Variants in PTPRN2 observed in about 807,000 individuals in gnomAD.
PTPRN2 encodes protein tyrosine phosphatase receptor type N2.
Under a neutral mutation model 118.8 loss-of-function variants are expected in PTPRN2, and 74 were observed. The ratio of observed to expected loss-of-function variants is 0.62; its 90% CI spans 0.52 to 0.76. The LOEUF is 0.76. Ranked by LOEUF, PTPRN2 falls within the 30% of genes least tolerant of loss-of-function variation. The pLI is 0.00. For missense variants in PTPRN2, 1,481 were observed against 1,394.4 expected, an observed-to-expected ratio of 1.06 and a Z score of -0.99; for synonymous variants, 641 against 608.0, an observed-to-expected ratio of 1.05 and a Z score of -0.80.
At chr7:157,804,813 C>T (rs377090976) in intron 12 of PTPRN2, among the ~76,000 whole-genome samples, 1 of 152,204 alleles carries the variant, frequency 6.6e-6, no homozygotes, top group Non-Finnish European at 1.5e-5. Flanking sequence ...TTCCTCCCAG[C>T]CCCCCTTCTC....
At chr7:158,336,172 T>A (rs1213610141) in intron 2 of PTPRN2, among the ~76,000 whole-genome samples, 26 of 17,572 alleles carry the variant, frequency 1.5e-3, no homozygotes, top group Admixed American at 2.4e-3. Context: ...ATAAGAGCTG[T>A]CGCCCGCAGA....
chr7:157,840,568 G>A (rs1808348239), intron 12 of PTPRN2, among the ~76,000 whole-genome samples: 1 of 152,218 alleles, frequency 6.6e-6, no homozygotes, highest in Non-Finnish European at 1.5e-5. Flanking sequence ...TACGGGACGG[G>A]AGCTGCAGAC....
chr7:158,006,482 C>A (rs114258749), intron 11 of PTPRN2, among the ~76,000 whole-genome samples: 1 of 152,224 alleles, frequency 6.6e-6, no homozygotes, highest in Non-Finnish European at 1.5e-5. Context: ...TGGACACCTG[C>A]GGTGAGTCCC....
Position 158,138,327 on chromosome 7 carries a change from G to A in PTPRN2, c.1099C>T (p.Pro367Ser), listed in dbSNP as rs142552460. 490 of 1,613,454 alleles carry A rather than the reference G, an allele frequency of 3.0e-4. No individual in the cohort carries two copies. The highest frequency in any genetic ancestry group is 1.4e-3 in the Admixed American group (84 of 60,022). ...LGESGEQADGPKATLRGDSFP... is the reference protein window; with the variant it reads ...LGESGEQADGSKATLRGDSFP... Reference sequence around the variant, plus strand: ...CTGTCTCCACGGAGGGTGGCCTTGGGGCCATCCGCCTGTTCTCCAGACTCT... The same window carrying A: ...CTGTCTCCACGGAGGGTGGCCTTGGAGCCATCCGCCTGTTCTCCAGACTCT... Residue 367 changes from proline (P) to serine (S), a missense_variant, in exon 7 of 23, where the codon CCC (proline) becomes TCC (serine). This residue lies in a region of PTPRN2 where 1,115 missense variants were observed against 994.2 expected (regional missense o/e 1.12). Transcript: ENST00000389418.
At chr7:158,128,233 G>A (rs1233861245) in intron 9 of PTPRN2, among the ~76,000 whole-genome samples, 2 of 152,212 alleles carry the variant, frequency 1.3e-5, no homozygotes, top group Non-Finnish European at 2.9e-5. Context: ...TTATTAGTCT[G>A]ATAATAGGGC....
chr7:158,191,548 G>T lies in PTPRN2; in HGVS notation c.549+779C>A, dbSNP rs6956043. Among the ~76,000 whole-genome samples the T allele has an allele frequency of 8.8e-3, 1,335 of 152,268 alleles. 24 individuals carry two copies. The highest frequency in any genetic ancestry group is 0.03 in the African/African-American group (1,265 of 41,552). The stretch of plus-strand genomic sequence containing the variant: ...TTGTCCCTCCCTCTTTCCAGGCAAT[G>T]TGGGACCTGTGAACTCTGGCCTAAC... On this transcript the variant is annotated intron_variant, in intron 5 of 22. Coordinates refer to ENST00000389418, the MANE Select transcript of PTPRN2 (RefSeq NM_002847.5).
intron 12 of PTPRN2, among the ~76,000 whole-genome samples, chr7:157,824,698 T>G (rs956306008): frequency 1.3e-5 from 2 of 152,174 alleles, no homozygotes; most frequent in Non-Finnish European, 2.9e-5. Context: ...TCACTGGCTG[T>G]CTGTTGGTGG....
intron 3 of PTPRN2, among the ~76,000 whole-genome samples, chr7:158,268,612 A>G (rs1485145840): frequency 8.6e-5 from 12 of 140,152 alleles, no homozygotes; most frequent in Admixed American, 7.8e-4. Flanking sequence ...CCGCAGGCAC[A>G]CAGGGCGGGT....
intron 12 of PTPRN2, among the ~76,000 whole-genome samples, chr7:157,706,616 C>G (rs1798344729): frequency 6.6e-6 from 1 of 151,730 alleles, no homozygotes; most frequent in Non-Finnish European, 1.5e-5. Context: ...GACCCCAGTG[C>G]CTTCCAGATC....
chr7:158,107,375 C>T (rs1815769576), intron 10 of PTPRN2, among the ~76,000 whole-genome samples: 1 of 152,178 alleles, frequency 6.6e-6, no homozygotes, highest in South Asian at 2.1e-4. Context: ...CCACTCCATA[C>T]ATTTCCAGTA....
In PTPRN2 at chr7:157,794,446, TTG is replaced by T. The variant is rs1177808197; in HGVS notation, c.1788+104225_1788+104226del. ...ATGGCAGCTTCCCTCTGAAAGCCCA[TTG>T]TGTCTGCCCCTATTCTTTGAAGCTT... is the stretch of plus-strand genomic sequence containing the variant. On this transcript the variant is annotated intron_variant, in intron 12 of 22. Coordinates refer to ENST00000389418, the MANE Select transcript of PTPRN2 (RefSeq NM_002847.5). The surrounding 1 kb of genome is among the most constrained non-coding windows in gnomAD (Gnocchi z 5.2). 6.6e-6 allele frequency among the ~76,000 whole-genome samples: 1 copy of T among 152,190 alleles called. No individual in the cohort carries two copies. Among genetic ancestry groups the T allele is most frequent in the African/African-American group, 2.4e-5 (1 of 41,452 alleles).
intron 21 of PTPRN2, among the ~76,000 whole-genome samples, chr7:157,556,120 T>C (rs1276343298): frequency 6.6e-6 from 1 of 152,200 alleles, no homozygotes; most frequent in Non-Finnish European, 1.5e-5. Context: ...GGGGATGCTC[T>C]GGGTGCCCCA....
At chr7:157,925,031 T>C (rs866859928) in intron 11 of PTPRN2, among the ~76,000 whole-genome samples, 468 of 74,602 alleles carry the variant, frequency 6.3e-3, no homozygotes, top group South Asian at 0.016. Context: ...GGCACCTGCA[T>C]TTAGCACGTC....
At chr7:158,166,276 T>A (rs1822971589) in intron 6 of PTPRN2, among the ~76,000 whole-genome samples, 1 of 114,408 alleles carries the variant, frequency 8.7e-6, no homozygotes, top group Non-Finnish European at 1.8e-5. Context: ...GCGTTCCCTG[T>A]CCTCACACCC....
At chr7:157,826,597 G>A (rs911289543) in intron 12 of PTPRN2, among the ~76,000 whole-genome samples, 1 of 152,082 alleles carries the variant, frequency 6.6e-6, no homozygotes, top group Non-Finnish European at 1.5e-5. Flanking sequence ...AATCGTGAGC[G>A]CCATTTCCAC....
intron 1 of PTPRN2, among the ~76,000 whole-genome samples, chr7:158,506,195 C>T (rs1822734767): frequency 6.6e-6 from 1 of 152,210 alleles, no homozygotes; most frequent in South Asian, 2.1e-4. Context: ...CGTCGGACAA[C>T]CCCAGTGGAA....
intron 2 of PTPRN2, among the ~76,000 whole-genome samples, chr7:158,407,113 CTG>C: frequency 6.6e-6 from 1 of 151,570 alleles, no homozygotes; most frequent in Non-Finnish European, 1.5e-5. Flanking sequence ...GCCCTGGGTC[CTG>C]CGTCCTGGGT....
chr7:157,981,625 A>C (rs780043552), intron 11 of PTPRN2, among the ~76,000 whole-genome samples: 1 of 152,242 alleles, frequency 6.6e-6, no homozygotes, highest in African/African-American at 2.4e-5. Context: ...TTAAAAAATA[A>C]CTCAGTGTAC....
intron 11 of PTPRN2, among the ~76,000 whole-genome samples, chr7:158,073,760 G>A (rs1426599109): frequency 2.6e-5 from 4 of 151,200 alleles, no homozygotes; most frequent in Admixed American, 6.6e-5. Context: ...AACAGCATTC[G>A]CTTATGGACA....
Sources: gnomAD v4.1 joint callset for allele counts (sites outside exome capture counted in the v4.1 genomes callset) on GRCh38, gnomAD v4.1.1 for gene constraint, gnomAD v4.1.1 regional missense constraint, Gnocchi (gnomAD v3.1) non-coding constraint, MANE v1.5 for transcripts, NCBI Gene and HGNC (gene_info 2026-07-23, HGNC 2026-07-21) for gene names.